The following ANKFN1 variants were observed in gnomAD, a reference collection of about 807,000 sequenced individuals.
ANKFN1 encodes the protein ankyrin repeat and fibronectin type-III domain-containing protein 1.
A neutral mutation model predicts 108.7 loss-of-function variants in ANKFN1; 74 were observed. The observed-to-expected ratio is 0.68, with a 90% CI of 0.56 to 0.83. The LOEUF (loss-of-function observed/expected upper bound fraction) is 0.83. ANKFN1 is among the 40% of genes least tolerant of loss of function. The probability of loss-of-function intolerance (pLI) is 0.00; values close to 1 mark genes in which losing one functional copy is unlikely to be tolerated. For missense variants in ANKFN1, 1,505 were observed against 1,382.3 expected, an observed-to-expected ratio of 1.09 and a Z score of -1.41; for synonymous variants, 547 against 516.2, an observed-to-expected ratio of 1.06 and a Z score of -0.81.
chr17:56,368,234 A>G (rs1187794945), intron 6 of ANKFN1: 6 of 1,077,612 alleles, frequency 5.6e-6, no homozygotes, highest in Admixed American at 3.0e-5. Context: ...ATCAAGAGGT[A>G]TAAAACACCA....
At chr17:56,446,518 A>G (rs1006764103) in intron 10 of ANKFN1, among the ~76,000 whole-genome samples, 3 of 152,180 alleles carry the variant, frequency 2.0e-5, no homozygotes, top group African/African-American at 7.2e-5. Context: ...TTCCTATCTT[A>G]TCCTACCTGA....
chr17:56,230,324 C>T (rs2143928430), intron 3 of ANKFN1, among the ~76,000 whole-genome samples: 1 of 152,136 alleles, frequency 6.6e-6, no homozygotes. Context: ...TTACTTAACC[C>T]TTCGGTTTCA....
chr17:56,156,457 A>C (rs1909129835), intron 1 of ANKFN1: 1 of 152,160 alleles, frequency 6.6e-6, no homozygotes, highest in Non-Finnish European at 1.5e-5. Flanking sequence ...AAGCAGAGAG[A>C]TTACATATGT....
In ANKFN1 at chr17:56,153,518, G is replaced by A. The variant is rs779162896; in HGVS notation, c.-83G>A. On this transcript the variant is annotated 5_prime_UTR_variant, in exon 1 of 21. Coordinates refer to ENST00000682825, the MANE Select transcript of ANKFN1 (RefSeq NM_001370326.1). ...TCAGTCCTGTGTCTCTCATGGAGGCGTCTCTAACCAGGGTAGGAAAACAAT... is the reference window on the plus strand; with the variant it reads ...TCAGTCCTGTGTCTCTCATGGAGGCATCTCTAACCAGGGTAGGAAAACAAT... The A allele has an allele frequency of 3.0e-5, 49 of 1,614,006 alleles. No homozygotes were observed. Among genetic ancestry groups the A allele is most frequent in the South Asian group, 8.8e-5 (8 of 91,090 alleles).
upstream of ANKFN1, among the ~76,000 whole-genome samples, chr17:56,150,582 G>C (rs916522357): frequency 2.0e-5 from 3 of 152,154 alleles, no homozygotes; most frequent in African/African-American, 7.2e-5. Flanking sequence ...AAATGCACTT[G>C]GGTAGTAGAT....
Position 56,326,233 on chromosome 17 carries a change from A to T in ANKFN1, c.66A>T (p.Arg22Ser), listed in dbSNP as rs781099215. 4 of 1,612,202 alleles carry T rather than the reference A, an allele frequency of 2.5e-6. No individual in the cohort carries two copies. Among genetic ancestry groups the T allele is most frequent in the African/African-American group, 1.3e-5 (1 of 74,808 alleles). ...ATTCTTTACACAGAATAGGAAGGAGATTCGCTTGCTTTGCACAGAGGCTGA... is the reference window on the plus strand; with the variant it reads ...ATTCTTTACACAGAATAGGAAGGAGTTTCGCTTGCTTTGCACAGAGGCTGA... ...HFTCSKIIGRRFACFAQRLSH... is the reference protein window; with the variant it reads ...HFTCSKIIGRSFACFAQRLSH... Residue 22 changes from arginine to serine, a missense_variant, in exon 4 of 21, where the codon AGA (arginine) becomes AGT (serine). Arg to Ser is a moderately radical substitution (Grantham distance 110). Transcript: ENST00000682825.
chr17:56,398,372 A>G (rs1253971493), intron 8 of ANKFN1, among the ~76,000 whole-genome samples: 2 of 152,118 alleles, frequency 1.3e-5, no homozygotes, highest in African/African-American at 4.8e-5. Context: ...TACTACACCA[A>G]GTGTAAAGAA....
intron 19 of ANKFN1, among the ~76,000 whole-genome samples, chr17:56,493,856 G>A (rs948362120): frequency 2.1e-4 from 32 of 152,224 alleles, no homozygotes; most frequent in African/African-American, 7.5e-4. Context: ...TTGTTATGAG[G>A]ACTTAAGATG....
At chr17:56,052,117 TC>T (rs1904788343) in intron 4 of ANKFN1, among the ~76,000 whole-genome samples, 1 of 151,826 alleles carries the variant, frequency 6.6e-6, no homozygotes, top group Non-Finnish European at 1.5e-5. Context: ...GCCAAGTCAA[TC>T]CTAAGCCAGA....
chr17:56,412,594 C>T (rs2048125205), intron 8 of ANKFN1, among the ~76,000 whole-genome samples: 1 of 152,182 alleles, frequency 6.6e-6, no homozygotes, highest in Non-Finnish European at 1.5e-5. Context: ...TCATATTTCT[C>T]CCATGTCAGA....
chr17:56,272,811 G>C (rs1287150118), intron 3 of ANKFN1, among the ~76,000 whole-genome samples: 1 of 152,162 alleles, frequency 6.6e-6, no homozygotes, highest in African/African-American at 2.4e-5. Flanking sequence ...GTTACATTTT[G>C]AAGTGGAGGT....
intron 4 of ANKFN1, among the ~76,000 whole-genome samples, chr17:56,067,152 G>C (rs1403123132): frequency 6.6e-6 from 1 of 151,940 alleles, no homozygotes; most frequent in Non-Finnish European, 1.5e-5. Context: ...TTGCACCACT[G>C]CACTCCAGCC....
chr17:56,216,138 C>T (rs575313224), intron 2 of ANKFN1, among the ~76,000 whole-genome samples: 4 of 152,254 alleles, frequency 2.6e-5, no homozygotes, highest in African/African-American at 9.6e-5. Flanking sequence ...ATGAAGCCTT[C>T]ATAATATTTT....
chr17:56,085,798 A>G (rs1242787587), intron 4 of ANKFN1, among the ~76,000 whole-genome samples: 1 of 151,352 alleles, frequency 6.6e-6, no homozygotes, highest in African/African-American at 2.4e-5. Flanking sequence ...CCACATGATG[A>G]TGTCATTCTT....
At chr17:56,429,746 TG>T (rs964093093) in intron 8 of ANKFN1, among the ~76,000 whole-genome samples, 1 of 152,038 alleles carries the variant, frequency 6.6e-6, no homozygotes, top group Non-Finnish European at 1.5e-5. Flanking sequence ...ATTGGATTGG[TG>T]GGGGTATGAA....
Position 56,286,573 on chromosome 17 carries a change from C to T in ANKFN1, c.54-39648C>T, listed in dbSNP as rs187094516. On this transcript the variant is annotated intron_variant, in intron 3 of 20. Coordinates refer to ENST00000682825, the MANE Select transcript of ANKFN1 (RefSeq NM_001370326.1). ...TAGAACACACCCATACATGGCCTCT[C>T]CATGTGACTGGGGCTTCCTTACAAC... 2.7e-3 allele frequency among the ~76,000 whole-genome samples: 417 copies of T among 152,264 alleles called. 2 individuals are homozygous for T. The highest frequency in any genetic ancestry group is 4.7e-3 in the Non-Finnish European group (321 of 68,028).
chr17:56,506,683 C>G (rs2051580843), intron 20 of ANKFN1, among the ~76,000 whole-genome samples: 1 of 151,190 alleles, frequency 6.6e-6, no homozygotes. Flanking sequence ...GCAGCAATGT[C>G]AAGAAGCCCT....
intron 6 of ANKFN1, among the ~76,000 whole-genome samples, chr17:56,362,793 AAC>A (rs367826945): frequency 1.9e-3 from 292 of 152,366 alleles, no homozygotes; most frequent in African/African-American, 6.6e-3. Context: ...CAAAGGAAAC[AAC>A]AGTGTTAAGA....
intron 4 of ANKFN1, among the ~76,000 whole-genome samples, chr17:56,077,302 TC>T (rs1400474455): frequency 6.6e-6 from 1 of 152,170 alleles, no homozygotes; most frequent in Non-Finnish European, 1.5e-5. Context: ...TGAAATGCTT[TC>T]CTCTTGAGAC....
Sources: allele counts gnomAD v4.1 joint callset (sites outside exome capture counted in the v4.1 genomes callset), GRCh38; gene constraint gnomAD v4.1.1; transcripts MANE v1.5; gene names NCBI Gene and HGNC (gene_info 2026-07-23, HGNC 2026-07-21).